CCDC158: variants seen among roughly 807,000 people sequenced by gnomAD.
CCDC158 encodes coiled-coil domain containing 158.
CCDC158 carries 116 observed loss-of-function variants against 138.6 expected under a neutral mutation model. The observed-to-expected ratio is 0.84, with a 90% CI of 0.72 to 0.98. The LOEUF (loss-of-function observed/expected upper bound fraction) is 0.98. Ranked by LOEUF, CCDC158 falls within the 50% of genes least tolerant of loss-of-function variation. CCDC158 has a pLI of 0.00. For missense variants in CCDC158, 1,265 were observed against 1,306.1 expected (o/e 0.97, Z 0.48); for synonymous variants, 436 against 442.4 (o/e 0.99, Z 0.18).
intron 12 of CCDC158, among the ~76,000 whole-genome samples, chr4:76,363,470 C>T (rs1724358052): frequency 6.6e-6 from 1 of 152,126 alleles, no homozygotes; most frequent in Admixed American, 6.5e-5. Context: ...CTGGCGAGTC[C>T]TCCTAGGGAA....
Position 76,328,316 on chromosome 4 carries a change from C to A in CCDC158, c.3010+584G>T, listed in dbSNP as rs545507246. On this transcript the variant is annotated intron_variant, in intron 22 of 24. Coordinates refer to ENST00000682701, the MANE Select transcript of CCDC158 (RefSeq NM_001394954.1). ...AGGCACCTGGGATATATCCAGGAAC[C>A]AAATGGCTAAAGACATCTGCCCTTG... Among the ~76,000 whole-genome samples, 25 of 152,346 alleles carry A rather than the reference C, an allele frequency of 1.6e-4. No individual in the cohort carries two copies. In the South Asian group the frequency reaches 4.8e-3, roughly 29 times the overall value.
At chr4:76,334,192 C>T in intron 18 of CCDC158, 25 bp from the exon 19 acceptor site, 1 of 1,501,796 alleles carries the variant, frequency 6.7e-7, no homozygotes. Context: ...TTTACAAAGA[C>T]ACTTATTTTT....
chr4:76,369,645 T>C, intron 10 of CCDC158, 22 bp from the exon 11 acceptor site: 2 of 1,586,358 alleles, frequency 1.3e-6, no homozygotes, highest in Non-Finnish European at 1.7e-6. Flanking sequence ...GAGGAATGCT[T>C]TTTTCCTCCC....
chr4:76,369,934 T>C (rs537144757), intron 10 of CCDC158, among the ~76,000 whole-genome samples: 2 of 152,344 alleles, frequency 1.3e-5, no homozygotes, highest in Non-Finnish European at 2.9e-5. Flanking sequence ...AAAGACATTA[T>C]GTCTCACATC....
intron 18 of CCDC158, among the ~76,000 whole-genome samples, chr4:76,336,501 C>T (rs1427429114): frequency 6.6e-6 from 1 of 152,152 alleles, no homozygotes; most frequent in East Asian, 1.9e-4. Context: ...ATGAAGAATT[C>T]TCTCTACGGC....
intron 8 of CCDC158, among the ~76,000 whole-genome samples, chr4:76,379,774 ACACACACG>A (rs1726056319): frequency 6.7e-6 from 1 of 148,694 alleles, no homozygotes; most frequent in Non-Finnish European, 1.5e-5. Flanking sequence ...ACACACACAC[ACACACACG>A]GTTTGGCTCT....
chr4:76,351,680 G>T (rs372793788), intron 17 of CCDC158, 40 bp downstream of exon 17: 3 of 1,185,668 alleles, frequency 2.5e-6, no homozygotes, highest in South Asian at 2.5e-5. Flanking sequence ...TCAAAGAACG[G>T]CATTATTTTC....
chr4:76,348,327 C>T (rs535300133), intron 18 of CCDC158, among the ~76,000 whole-genome samples: 12 of 147,328 alleles, frequency 8.1e-5, no homozygotes, highest in East Asian at 2.1e-4. Flanking sequence ...CCCAGCTACT[C>T]GGGAGGCTGA....
chr4:76,347,372 C>A (rs555923797), intron 18 of CCDC158, among the ~76,000 whole-genome samples: 1 of 152,046 alleles, frequency 6.6e-6, no homozygotes, highest in Non-Finnish European at 1.5e-5. Flanking sequence ...GAACACTATG[C>A]AGCCATAAAA....
intron 18 of CCDC158, among the ~76,000 whole-genome samples, chr4:76,342,745 G>T (rs1722176427): frequency 6.6e-6 from 1 of 152,156 alleles, no homozygotes; most frequent in Non-Finnish European, 1.5e-5. Flanking sequence ...TTGGGAGATG[G>T]CAGGCATATG....
At chr4:76,355,738 T>C (rs146578608) in intron 14 of CCDC158, among the ~76,000 whole-genome samples, 1 of 151,648 alleles carries the variant, frequency 6.6e-6, no homozygotes, top group East Asian at 1.9e-4. Flanking sequence ...GTAATAACAA[T>C]AACATTGACT....
intron 2 of CCDC158, among the ~76,000 whole-genome samples, chr4:76,408,929 C>T (rs551095041): frequency 1.2e-4 from 18 of 152,272 alleles, no homozygotes; most frequent in African/African-American, 2.2e-4. Context: ...GCATTTCTGA[C>T]GGCCAGTGAT....
At chr4:76,349,879 C>A (rs1473897289) in intron 18 of CCDC158, among the ~76,000 whole-genome samples, 2 of 152,220 alleles carry the variant, frequency 1.3e-5, no homozygotes, top group East Asian at 3.9e-4. Flanking sequence ...TAGAGGTCAT[C>A]TTGTCCAGAC....
intron 15 of CCDC158, 34 bp downstream of exon 15, chr4:76,355,290 T>A (rs1578953485): frequency 7.5e-7 from 1 of 1,338,414 alleles, no homozygotes; most frequent in Non-Finnish European, 1.1e-6. Flanking sequence ...TGAGTGAACA[T>A]GTTGGTTTCC....
rs374410757 is a variant in CCDC158 at position 76,351,752 on chromosome 4, G to T, written c.2506C>A (p.Arg836Ser). ...TCCAAAGTGTGTTGAAGTTTTAAGCGCACTGATTCTTGCTCCTGACGCTGT... is the reference window on the plus strand; with the variant it reads ...TCCAAAGTGTGTTGAAGTTTTAAGCTCACTGATTCTTGCTCCTGACGCTGT... ...IIQRQEQESV[R>S]LKLQHTLDIK... The change falls in exon 17 of 25, where the codon CGC becomes AGC. Residue 836 changes from arginine (R) to serine (S), a missense_variant. Transcript: ENST00000682701. 16 of 1,612,428 alleles carry T rather than the reference G, an allele frequency of 9.9e-6. No individual in the cohort carries two copies. Among genetic ancestry groups the T allele is most frequent in the African/African-American group, 8.0e-5 (6 of 74,876 alleles).
chr4:76,398,941 T>G (rs1728078642), intron 3 of CCDC158, among the ~76,000 whole-genome samples: 1 of 152,028 alleles, frequency 6.6e-6, no homozygotes, highest in South Asian at 2.1e-4. Flanking sequence ...TTAGTAAAAA[T>G]ACCTAAGACT....
intron 18 of CCDC158, among the ~76,000 whole-genome samples, chr4:76,335,037 A>G (rs184972668): frequency 4.1e-4 from 63 of 152,302 alleles, no homozygotes; most frequent in Admixed American, 1.0e-3. Flanking sequence ...GAGAGTTCCA[A>G]CTCACTGAAT....
chr4:76,410,826 T>C (rs1452356218), intron 2 of CCDC158, among the ~76,000 whole-genome samples: 2 of 152,126 alleles, frequency 1.3e-5, no homozygotes, highest in Admixed American at 1.3e-4. Flanking sequence ...CAGTGTCTGT[T>C]TTCTCAATCA....
chr4:76,387,922 A>G (rs1472339150), intron 4 of CCDC158, among the ~76,000 whole-genome samples: 1 of 151,822 alleles, frequency 6.6e-6, no homozygotes, highest in Non-Finnish European at 1.5e-5. Flanking sequence ...CTGAGGCAGG[A>G]GAATCATTTG....
Sources: gnomAD v4.1 joint callset for allele counts (sites outside exome capture counted in the v4.1 genomes callset) on GRCh38, gnomAD v4.1.1 for gene constraint, MANE v1.5 for transcripts, NCBI Gene and HGNC (gene_info 2026-07-23, HGNC 2026-07-21) for gene names.